The following ITPR2 variants were observed in gnomAD, a reference collection of about 807,000 sequenced individuals.
ITPR2 encodes the protein inositol 1,4,5-trisphosphate receptor type 2, also known as inositol 1,4,5-trisphosphate-gated calcium channel ITPR2.
In ITPR2, 207 loss-of-function variants were observed where a neutral mutation model predicts 317.1. The ratio of observed to expected loss-of-function variants is 0.65; its 90% CI spans 0.58 to 0.73. ITPR2 has a LOEUF of 0.73. Among genes scored for constraint, ITPR2 ranks in the 30% least tolerant of loss-of-function variants. The pLI, the probability that ITPR2 is intolerant of heterozygous loss-of-function variation, is 0.00. For synonymous variants in ITPR2, 1,156 were observed against 1,149.1 expected (o/e 1.01, Z -0.12); for missense variants, 2,613 against 3,284.0 (o/e 0.80, Z 4.99).
intron 45 of ITPR2, among the ~76,000 whole-genome samples, chr12:26,456,983 T>A (rs953046483): frequency 6.6e-6 from 1 of 152,228 alleles, no homozygotes; most frequent in Non-Finnish European, 1.5e-5. Context: ...TAGTAACAAT[T>A]CTATAATTGT....
chr12:26,664,553 G>C (rs1006257334), intron 14 of ITPR2, among the ~76,000 whole-genome samples: 2 of 152,122 alleles, frequency 1.3e-5, no homozygotes, highest in African/African-American at 4.8e-5. Context: ...CTAGAATGAG[G>C]AAATTGTCTA....
At chr12:26,643,627 GAAC>G (rs1947042050) in intron 21 of ITPR2, among the ~76,000 whole-genome samples, 1 of 152,170 alleles carries the variant, frequency 6.6e-6, no homozygotes, top group Non-Finnish European at 1.5e-5. Flanking sequence ...TAGAAATGAG[GAAC>G]ATCTTACTGG....
chr12:26,599,734 T>C (rs1008344245), intron 29 of ITPR2, among the ~76,000 whole-genome samples: 4 of 152,198 alleles, frequency 2.6e-5, no homozygotes, highest in African/African-American at 9.6e-5. Flanking sequence ...TGTTCTACCA[T>C]ATCTTTTCCC....
At chr12:26,719,926 T>C (rs1397146298) in intron 5 of ITPR2, among the ~76,000 whole-genome samples, 1 of 152,160 alleles carries the variant, frequency 6.6e-6, no homozygotes, top group Non-Finnish European at 1.5e-5. Flanking sequence ...ACCCAAGTTT[T>C]CTTAGATCAA....
intron 21 of ITPR2, among the ~76,000 whole-genome samples, chr12:26,639,933 A>G (rs1186557749): frequency 2.0e-5 from 3 of 152,140 alleles, no homozygotes; most frequent in Non-Finnish European, 4.4e-5. Context: ...ATAAACATAC[A>G]TGTGCATGTG....
At chr12:26,426,887 A>G (rs1245279827) in intron 49 of ITPR2, among the ~76,000 whole-genome samples, 1 of 150,878 alleles carries the variant, frequency 6.6e-6, no homozygotes, top group Non-Finnish European at 1.5e-5. Flanking sequence ...ATTATTAAAT[A>G]TTTGCTAAAT....
intron 21 of ITPR2, among the ~76,000 whole-genome samples, chr12:26,644,115 C>G (rs915102227): frequency 6.6e-6 from 1 of 152,158 alleles, no homozygotes; most frequent in African/African-American, 2.4e-5. Flanking sequence ...ATCAGGGATG[C>G]CCCTCCCATC....
intron 2 of ITPR2, among the ~76,000 whole-genome samples, chr12:26,744,844 G>A (rs986064632): frequency 9.9e-5 from 15 of 152,116 alleles, no homozygotes; most frequent in African/African-American, 3.6e-4. Context: ...TTTCTTGTTT[G>A]CCTCATCAAA....
intron 45 of ITPR2, among the ~76,000 whole-genome samples, chr12:26,462,154 C>CTTTTGTTTTGTTTTGTTTTG (rs71069237): frequency 0.074 from 11,118 of 149,610 alleles, 505 homozygotes; most frequent in Non-Finnish European, 0.083. Flanking sequence ...ACAAGGAAAA[C>CTTTTGTTTTGTTTTGTTTTG]TTTTGTTTTG....
chr12:26,627,111 T>C (rs997424449), intron 23 of ITPR2, among the ~76,000 whole-genome samples: 2 of 152,234 alleles, frequency 1.3e-5, no homozygotes, highest in African/African-American at 4.8e-5. Context: ...AATTGAAATA[T>C]AGTTCCAGTT....
chr12:26,721,343 C>A, intron 5 of ITPR2: 1 of 613,552 alleles, frequency 1.6e-6, no homozygotes, highest in Non-Finnish European at 3.0e-6. Context: ...AGCTTGCATC[C>A]TGTGGAATTG....
intron 34 of ITPR2, among the ~76,000 whole-genome samples, chr12:26,567,982 A>ATATATAT (rs1945034891): frequency 8.7e-5 from 1 of 11,486 alleles, no homozygotes; most frequent in African/African-American, 2.6e-4. Context: ...TATATATTAT[A>ATATATAT]TATATATATA....
intron 55 of ITPR2, among the ~76,000 whole-genome samples, chr12:26,372,459 T>C (rs557612766): frequency 6.6e-6 from 1 of 152,346 alleles, no homozygotes; most frequent in South Asian, 2.1e-4. Flanking sequence ...TAGGGATGTT[T>C]ACGCATTTTA....
intron 49 of ITPR2, among the ~76,000 whole-genome samples, chr12:26,427,285 G>T (rs1014873528): frequency 6.6e-6 from 1 of 151,942 alleles, no homozygotes; most frequent in Non-Finnish European, 1.5e-5. Flanking sequence ...CATGCATAAC[G>T]TTGGCTAGTC....
intron 37 of ITPR2, among the ~76,000 whole-genome samples, chr12:26,546,006 G>A (rs115804341): frequency 0.015 from 2,309 of 152,260 alleles, 56 homozygotes; most frequent in African/African-American, 0.051. Flanking sequence ...GAATTAAAAA[G>A]TTGTCTAAGA....
At chr12:26,668,868 C>A (rs1055023591) in intron 13 of ITPR2, among the ~76,000 whole-genome samples, 1 of 151,900 alleles carries the variant, frequency 6.6e-6, no homozygotes, top group Admixed American at 6.6e-5. Flanking sequence ...TGCCTGTAAT[C>A]CCAGCATTTT....
At chr12:26,730,739 C>T (rs1037669038) in intron 2 of ITPR2, among the ~76,000 whole-genome samples, 2 of 152,126 alleles carry the variant, frequency 1.3e-5, no homozygotes, top group Non-Finnish European at 2.9e-5. Flanking sequence ...TTAAGCCACT[C>T]AGAAGTGTTC....
intron 13 of ITPR2, among the ~76,000 whole-genome samples, chr12:26,667,156 A>G (rs1947647586): frequency 6.6e-6 from 1 of 152,216 alleles, no homozygotes; most frequent in Middle Eastern, 3.2e-3. Context: ...TAAGAAAACT[A>G]CATTTTAAGA....
chr12:26,789,573 T>G (rs763165223), intron 2 of ITPR2, among the ~76,000 whole-genome samples: 1 of 152,228 alleles, frequency 6.6e-6, no homozygotes, highest in Admixed American at 6.5e-5. Flanking sequence ...AGTTTTAGCT[T>G]TCTGTGATTC....
Sources: gnomAD v4.1 joint callset for allele counts (sites outside exome capture counted in the v4.1 genomes callset) on GRCh38, gnomAD v4.1.1 for gene constraint, MANE v1.5 for transcripts, NCBI Gene and HGNC (gene_info 2026-07-23, HGNC 2026-07-21) for gene names.